Variants in WDFY2 observed in about 807,000 individuals in gnomAD.
WDFY2 encodes the protein WD repeat and FYVE domain containing 2, also known as WD repeat and FYVE domain-containing protein 2.
Under a neutral mutation model 56.4 loss-of-function variants are expected in WDFY2, and 36 were observed. That is an observed-to-expected ratio of 0.64 (90% confidence interval 0.49 to 0.84). The LOEUF (loss-of-function observed/expected upper bound fraction) is 0.84, where lower values mean the gene tolerates loss of function less well. Ranked by LOEUF, WDFY2 falls within the 40% of genes least tolerant of loss-of-function variation. The probability of loss-of-function intolerance (pLI) is 0.00; values close to 1 mark genes in which losing one functional copy is unlikely to be tolerated. For missense variants in WDFY2, 444 were observed against 512.2 expected, an observed-to-expected ratio of 0.87 and a Z score of 1.29; for synonymous variants, 176 against 183.7, an observed-to-expected ratio of 0.96 and a Z score of 0.34.
chr13:51,641,995 A>G (rs1191877650), intron 1 of WDFY2, among the ~76,000 whole-genome samples: 1 of 152,086 alleles, frequency 6.6e-6, no homozygotes. Flanking sequence ...AGTTGTCTTC[A>G]TTTTAGGATT....
chr13:51,604,114 CA>C (rs1234942421), intron 1 of WDFY2, among the ~76,000 whole-genome samples: 11 of 152,300 alleles, frequency 7.2e-5, no homozygotes, highest in Admixed American at 2.6e-4. Flanking sequence ...AATGCAAAAA[CA>C]TTTTTTTTAA....
At chr13:51,701,167 A>G (rs573317347) in intron 3 of WDFY2, among the ~76,000 whole-genome samples, 1 of 152,236 alleles carries the variant, frequency 6.6e-6, no homozygotes, top group African/African-American at 2.4e-5. Context: ...ATCACAAGGG[A>G]TTTTTAGTGT....
chr13:51,624,162 G>T (rs1377000665), intron 1 of WDFY2, among the ~76,000 whole-genome samples: 1 of 152,246 alleles, frequency 6.6e-6, no homozygotes, highest in Non-Finnish European at 1.5e-5. Flanking sequence ...AGTTTGGACA[G>T]ATTACTGCTG....
At chr13:51,613,298 C>G (rs1384785853) in intron 1 of WDFY2, among the ~76,000 whole-genome samples, 2 of 152,176 alleles carry the variant, frequency 1.3e-5, no homozygotes, top group Admixed American at 6.5e-5. Flanking sequence ...CCTTCTTTCC[C>G]AAGCTGAAAT....
chr13:51,606,024 G>C (rs1175544450), intron 1 of WDFY2, among the ~76,000 whole-genome samples: 1 of 152,180 alleles, frequency 6.6e-6, no homozygotes. Context: ...AAAAGGCAGT[G>C]TTGGATGGTG....
chr13:51,764,328 C>G lies in WDFY2; in HGVS notation c.*4559C>G, dbSNP rs1953680095. The G allele has an allele frequency of 6.6e-6, 1 of 152,366 alleles. No homozygotes were observed. The highest frequency in any genetic ancestry group is 2.1e-4 in the South Asian group (1 of 4,828). The allele number at this position is 152,366 out of a possible 1,614,324, so 9.4% of individuals were successfully genotyped here. On this transcript the variant is annotated 3_prime_UTR_variant, in exon 12 of 12. Transcript: ENST00000298125. ...AGAGGCATGCCAGGGTGCCACTAACCCAGCAGGTGTGGCAGGAGGGGCTTC... is the reference window on the plus strand; with the variant it reads ...AGAGGCATGCCAGGGTGCCACTAACGCAGCAGGTGTGGCAGGAGGGGCTTC...
intron 1 of WDFY2, among the ~76,000 whole-genome samples, chr13:51,631,171 C>G (rs1247782959): frequency 6.6e-6 from 1 of 151,196 alleles, no homozygotes; most frequent in Non-Finnish European, 1.5e-5. Context: ...GCGGGAGGAT[C>G]ACTTGAGCCC....
intron 3 of WDFY2, among the ~76,000 whole-genome samples, chr13:51,692,079 T>G (rs1375495550): frequency 1.3e-5 from 2 of 152,212 alleles, no homozygotes; most frequent in African/African-American, 2.4e-5. Flanking sequence ...CTTATCAGCT[T>G]AAGGAGATTT....
chr13:51,756,840 G>A (rs902567196), intron 10 of WDFY2, among the ~76,000 whole-genome samples: 6 of 152,172 alleles, frequency 3.9e-5, no homozygotes, highest in Non-Finnish European at 8.8e-5. Context: ...GAGTCCATGG[G>A]TCCAGAAGGT....
rs114970845 is a variant in WDFY2, at chr13:51,610,468, A to G, written c.137+25644A>G. Among the ~76,000 whole-genome samples, 1,160 of 152,302 alleles carry G rather than the reference A, an allele frequency of 7.6e-3. 13 individuals are homozygous for G. The highest frequency in any genetic ancestry group is 0.026 in the African/African-American group (1,088 of 41,572). On this transcript the variant is annotated intron_variant, in intron 1 of 11. Coordinates refer to ENST00000298125, the MANE Select transcript of WDFY2 (RefSeq NM_052950.4). ...ATTACTGGAGAAAATTCTTTTGACT[A>G]GTACCCAGGTGATGAATATTAGATT...
chr13:51,727,810 C>T lies in WDFY2; in HGVS notation c.598+20C>T, dbSNP rs758672740. The T allele has an allele frequency of 6.8e-6, 11 of 1,608,618 alleles. No homozygotes were observed. Among genetic ancestry groups the T allele is most frequent in the South Asian group, 4.4e-5 (4 of 90,776 alleles). The stretch of plus-strand genomic sequence containing the variant: ...ACACAGGTAGGATTAACAGTAAAAT[C>T]GTCATGTGCTGATAGCACAGTGAGA... On this transcript the variant is annotated intron_variant, in intron 6 of 11. Coordinates refer to ENST00000298125, the MANE Select transcript of WDFY2 (RefSeq NM_052950.4).
chr13:51,720,530 C>G (rs545383602), intron 5 of WDFY2, among the ~76,000 whole-genome samples: 1 of 152,220 alleles, frequency 6.6e-6, no homozygotes, highest in South Asian at 2.1e-4. Flanking sequence ...TACATGAACT[C>G]TCTTGCCAAT....
intron 1 of WDFY2, among the ~76,000 whole-genome samples, chr13:51,629,826 C>CTTTTTTTTTTTTTTTTTTTTTTTTTT (rs11432630): frequency 8.0e-6 from 1 of 125,108 alleles, no homozygotes; most frequent in African/African-American, 3.0e-5. Flanking sequence ...TCTTTCTTTT[C>CTTTTTTTTTTTTTTTTTTTTTTTTTT]TTTTTTTTTT....
intron 1 of WDFY2, among the ~76,000 whole-genome samples, chr13:51,601,286 C>G (rs1829327937): frequency 6.6e-6 from 1 of 152,092 alleles, no homozygotes; most frequent in African/African-American, 2.4e-5. Flanking sequence ...GGAAAAGCCT[C>G]AAGTATATTA....
chr13:51,717,517 G>A (rs1472911706), intron 4 of WDFY2, among the ~76,000 whole-genome samples: 2 of 151,942 alleles, frequency 1.3e-5, no homozygotes, highest in East Asian at 3.9e-4. Flanking sequence ...ATCCCCTTGG[G>A]CTCGAATATG....
intron 4 of WDFY2, among the ~76,000 whole-genome samples, chr13:51,704,204 G>A (rs1952040643): frequency 6.6e-6 from 1 of 152,272 alleles, no homozygotes; most frequent in African/African-American, 2.4e-5. Context: ...CCTTTAATGA[G>A]AGGATGATCA....
intron 1 of WDFY2, among the ~76,000 whole-genome samples, chr13:51,603,281 T>G (rs1434180762): frequency 6.6e-6 from 1 of 152,168 alleles, no homozygotes; most frequent in Non-Finnish European, 1.5e-5. Flanking sequence ...CTACTAACGT[T>G]TTTCTTCCAG....
chr13:51,753,547 C>A (rs1953286655), intron 8 of WDFY2, among the ~76,000 whole-genome samples: 1 of 152,186 alleles, frequency 6.6e-6, no homozygotes, highest in Admixed American at 6.5e-5. Context: ...TCACTCTGAA[C>A]ATGTTGGCAC....
At position 51,762,663 on chromosome 13, in the gene WDFY2, G is replaced by A. The variant is rs1462279473; in HGVS notation, c.*2894G>A. On this transcript the variant is annotated 3_prime_UTR_variant, in exon 12 of 12. Coordinates refer to ENST00000298125, the MANE Select transcript of WDFY2 (RefSeq NM_052950.4). ...CCATTCCTTAGGAGTAAAAGCTGGC[G>A]CCAGCACTTGGCTCTTGTTCTGTCT... 1.3e-5 allele frequency: 2 copies of A among 152,296 alleles called. No individual in the cohort carries two copies. Among genetic ancestry groups the A allele is most frequent in the South Asian group, 2.1e-4 (1 of 4,824 alleles). 9.4% of individuals were successfully genotyped at this position (152,296 alleles called of 1,614,324 possible). A position where few individuals can be genotyped will look rare whatever the true frequency, so the allele number is the denominator to read the frequency against.
Sources: allele counts gnomAD v4.1 joint callset (sites outside exome capture counted in the v4.1 genomes callset), GRCh38; gene constraint gnomAD v4.1.1; transcripts MANE v1.5; gene names NCBI Gene and HGNC (gene_info 2026-07-23, HGNC 2026-07-21).